Variants in MCM9 observed in about 807,000 individuals in gnomAD.
MCM9 encodes minichromosome maintenance 9 homologous recombination repair factor.
MCM9 carries 55 observed loss-of-function variants against 72.8 expected under a neutral mutation model. That is an observed-to-expected ratio of 0.76 (90% confidence interval 0.61 to 0.95). The LOEUF is 0.95. Ranked by LOEUF, MCM9 falls within the 40% of genes least tolerant of loss-of-function variation. The pLI is 0.00. For missense variants in MCM9, 1,279 were observed against 1,377.0 expected (o/e 0.93, Z 1.13); for synonymous variants, 480 against 503.4 (o/e 0.95, Z 0.62).
intron 13 of MCM9, among the ~76,000 whole-genome samples, chr6:118,818,911 A>T (rs1310778010): frequency 1.3e-5 from 2 of 152,078 alleles, no homozygotes; most frequent in Non-Finnish European, 2.9e-5. Context: ...AAGTTCACTG[A>T]TGATTCAGCT....
At chr6:118,884,908 A>T (rs1392098902) in intron 8 of MCM9, among the ~76,000 whole-genome samples, 2 of 152,234 alleles carry the variant, frequency 1.3e-5, no homozygotes, top group African/African-American at 2.4e-5. Flanking sequence ...AGATTAAAAC[A>T]ATAGCCAGCT....
intron 8 of MCM9, among the ~76,000 whole-genome samples, chr6:118,873,856 A>T (rs1777769755): frequency 6.6e-6 from 1 of 152,250 alleles, no homozygotes; most frequent in African/African-American, 2.4e-5. Flanking sequence ...ATGAACATAG[A>T]TGCCAGTATC....
intron 4 of MCM9, among the ~76,000 whole-genome samples, chr6:118,923,306 CAG>C (rs1228453013): frequency 6.8e-6 from 1 of 147,842 alleles, no homozygotes; most frequent in Non-Finnish European, 1.5e-5. Flanking sequence ...TTTTCAGAGA[CAG>C]GGTCTCGCTC....
Position 118,814,751 on chromosome 6 carries a change from A to G in MCM9, c.*73T>C. 2 of 1,346,398 alleles carry G rather than the reference A, an allele frequency of 1.5e-6. No homozygotes were observed. Among genetic ancestry groups the G allele is most frequent in the Non-Finnish European group, 2.0e-6 (2 of 1,007,108 alleles). 83.4% of individuals were successfully genotyped at this position (1,346,398 alleles called of 1,614,324 possible). A position where few individuals can be genotyped will look rare whatever the true frequency, so the allele number is the denominator to read the frequency against. ...GGCCAATTGTTCTATACATTTATAA[A>G]TACCATATTGATATCCTGAAGGTCC... On this transcript the variant is annotated 3_prime_UTR_variant, in exon 14 of 14. Coordinates refer to ENST00000619706, the MANE Select transcript of MCM9 (RefSeq NM_017696.3).
chr6:118,813,867 T>C lies in MCM9; in HGVS notation c.*957A>G, dbSNP rs1275892199. ...TGGGTAGATGAGACATGATGTTTGA[T>C]TGAGACTACCACATAGTCTCTCTTC... On this transcript the variant is annotated 3_prime_UTR_variant, in exon 14 of 14. Coordinates refer to ENST00000619706, the MANE Select transcript of MCM9 (RefSeq NM_017696.3). 2.0e-5 allele frequency: 3 copies of C among 152,198 alleles called. No homozygotes were observed. Among genetic ancestry groups the C allele is most frequent in the African/African-American group, 7.2e-5 (3 of 41,440 alleles). 9.4% of individuals were successfully genotyped at this position (152,198 alleles called of 1,614,324 possible).
chr6:118,832,668 C>T (rs1018962239), intron 9 of MCM9, among the ~76,000 whole-genome samples: 1 of 152,232 alleles, frequency 6.6e-6, no homozygotes, highest in East Asian at 1.9e-4. Flanking sequence ...CCTACAAACA[C>T]AGTAGTAACT....
At chr6:118,857,626 C>CAAAAAAAAAAA (rs1203197065) in intron 8 of MCM9, among the ~76,000 whole-genome samples, 9 of 70,936 alleles carry the variant, frequency 1.3e-4, no homozygotes, top group African/African-American at 3.3e-4. Context: ...CCAGACTGAC[C>CAAAAAAAAAAA]AAAAAAAAAA....
chr6:118,852,111 C>T (rs1627604), intron 9 of MCM9, among the ~76,000 whole-genome samples: 11,609 of 152,178 alleles, frequency 0.076, 686 homozygotes, highest in East Asian at 0.19. Context: ...CTACACAGCA[C>T]GTTACTGTAC....
chr6:118,861,773 C>T (rs1281942836), intron 8 of MCM9, among the ~76,000 whole-genome samples: 1 of 152,204 alleles, frequency 6.6e-6, no homozygotes, highest in Non-Finnish European at 1.5e-5. Context: ...GTTCTCACTT[C>T]AGGTTGTGGA....
rs146598801 is a variant in MCM9 at position 118,904,626 on chromosome 6, C to A, written c.1150+7024G>T. Among the ~76,000 whole-genome samples, 844 of 152,328 alleles carry A rather than the reference C, an allele frequency of 5.5e-3. 1 individual carries two copies. The highest frequency in any genetic ancestry group is 9.8e-3 in the Non-Finnish European group (668 of 68,018). ...AGTCTAGTCTAACTCAGTTTACTTT[C>A]TGCATTCCTCAAGGTTCACCTTACA... On this transcript the variant is annotated intron_variant, in intron 8 of 13. Transcript: ENST00000619706.
chr6:118,824,652 C>T (rs1774049091), intron 13 of MCM9, among the ~76,000 whole-genome samples: 1 of 152,154 alleles, frequency 6.6e-6, no homozygotes, highest in Admixed American at 6.5e-5. Flanking sequence ...GTCAGACTGT[C>T]ACCAGTATAA....
chr6:118,902,935 A>G (rs530632123), intron 8 of MCM9, among the ~76,000 whole-genome samples: 162 of 152,358 alleles, frequency 1.1e-3, no homozygotes, highest in African/African-American at 3.6e-3. Context: ...TAGCAGGAAG[A>G]TGTCCAGACA....
At chr6:118,841,146 T>C (rs1267445399) in intron 9 of MCM9, among the ~76,000 whole-genome samples, 1 of 152,202 alleles carries the variant, frequency 6.6e-6, no homozygotes, top group African/African-American at 2.4e-5. Context: ...GCAAGGGGAA[T>C]AGGAAAGAGG....
In MCM9 at chr6:118,912,056, C is replaced by T. The variant is rs536589491; in HGVS notation, c.1031-287G>A. 3.1e-4 allele frequency: 59 copies of T among 189,616 alleles called. 1 individual carries two copies. Among genetic ancestry groups the T allele is most frequent in the African/African-American group, 1.3e-3 (56 of 42,934 alleles). 11.7% of individuals were successfully genotyped at this position (189,616 alleles called of 1,614,324 possible). The stretch of plus-strand genomic sequence containing the variant: ...ATCTGGGGCCAGGTGCGGTGGCTCA[C>T]ACTTGTAATCCCAGCATTTGGGAGG... On this transcript the variant is annotated intron_variant, in intron 7 of 13. Transcript: ENST00000619706.
At chr6:118,835,513 T>C (rs1422124627) in intron 9 of MCM9, among the ~76,000 whole-genome samples, 1 of 152,216 alleles carries the variant, frequency 6.6e-6, no homozygotes, top group Non-Finnish European at 1.5e-5. Context: ...GTTTCTGTCC[T>C]CTCTTATTTC....
intron 8 of MCM9, among the ~76,000 whole-genome samples, chr6:118,897,575 C>G (rs921955701): frequency 2.0e-5 from 3 of 152,052 alleles, no homozygotes; most frequent in Admixed American, 2.0e-4. Context: ...TCCACTAGAC[C>G]ACAGGTCTTC....
chr6:118,842,115 G>C lies in MCM9; in HGVS notation c.1326-12865C>G, dbSNP rs147901529. Among the ~76,000 whole-genome samples the C allele has an allele frequency of 6.5e-3, 996 of 152,342 alleles. 7 individuals are homozygous for C. Among genetic ancestry groups the C allele is most frequent in the African/African-American group, 0.022 (927 of 41,580 alleles). On this transcript the variant is annotated intron_variant, in intron 9 of 13. Coordinates refer to ENST00000619706, the MANE Select transcript of MCM9 (RefSeq NM_017696.3). Reference sequence around the variant, plus strand: ...CACAAAGTGCTGGCATTACAGGCGTGAGACACCGTGCCCGGCCTATCTTGC... The same window carrying C: ...CACAAAGTGCTGGCATTACAGGCGTCAGACACCGTGCCCGGCCTATCTTGC...
At chr6:118,910,116 CAAAAA>C (rs67533661) in intron 8 of MCM9, among the ~76,000 whole-genome samples, 24 of 110,750 alleles carry the variant, frequency 2.2e-4, no homozygotes, top group Admixed American at 6.3e-4. Flanking sequence ...GACTCTATCT[CAAAAA>C]AAAAAAAAAA....
intron 8 of MCM9, among the ~76,000 whole-genome samples, chr6:118,867,707 G>A (rs1004628450): frequency 6.6e-6 from 1 of 151,818 alleles, no homozygotes; most frequent in African/African-American, 2.4e-5. Flanking sequence ...TACCATCTAG[G>A]GTTGTGTAAA....
Sources: gnomAD v4.1 joint callset for allele counts (sites outside exome capture counted in the v4.1 genomes callset) on GRCh38, gnomAD v4.1.1 for gene constraint, MANE v1.5 for transcripts, NCBI Gene and HGNC (gene_info 2026-07-23, HGNC 2026-07-21) for gene names.